IL1RAPL2: variants seen among roughly 807,000 people sequenced by gnomAD.
IL1RAPL2 encodes the protein X-linked interleukin-1 receptor accessory protein-like 2.
A neutral mutation model predicts 44.1 loss-of-function variants in IL1RAPL2; 3 were observed. The observed-to-expected ratio is 0.07, with a 90% confidence interval of 0.03 to 0.18. The LOEUF is 0.18. Among genes scored for constraint, IL1RAPL2 ranks in the 10% least tolerant of loss-of-function variants. The probability of loss-of-function intolerance (pLI) is 1.00; values close to 1 mark genes in which losing one functional copy is unlikely to be tolerated. For synonymous variants in IL1RAPL2, 181 were observed against 178.8 expected (o/e 1.01, Z -0.10); for missense variants, 391 against 496.4 (o/e 0.79, Z 2.02).
At chrX:105,391,973 C>T (rs1352567499) in intron 5 of IL1RAPL2, among the ~76,000 whole-genome samples, 3 of 70,818 alleles carry the variant, frequency 4.2e-5, no homozygotes, top group Non-Finnish European at 7.4e-5. Flanking sequence ...GGAAGGGGAA[C>T]ATCACACTCT....
In IL1RAPL2 at chrX:105,644,668, T is replaced by A. The variant is rs182966974; in HGVS notation, c.773-72699T>A. ...ACATGTGCAGAACGCGCAGGTTTGT[T>A]ACATAGGTATATATGTACCATGGTG... On this transcript the variant is annotated intron_variant, in intron 6 of 10. Transcript: ENST00000372582. Among the ~76,000 whole-genome samples the A allele has an allele frequency of 5.1e-3, 561 of 111,016 alleles. 4 individuals carry two copies. Among genetic ancestry groups the A allele is most frequent in the Non-Finnish European group, 8.1e-3 (430 of 53,036 alleles).
At chrX:105,170,144 CA>C (rs906143360) in intron 2 of IL1RAPL2, among the ~76,000 whole-genome samples, 3 of 110,436 alleles carry the variant, frequency 2.7e-5, no homozygotes, top group African/African-American at 9.9e-5. Flanking sequence ...AAATGTAAAA[CA>C]AAGGGAGAGA....
At chrX:105,044,879 G>T (rs1241571306) in intron 2 of IL1RAPL2, among the ~76,000 whole-genome samples, 1 of 111,011 alleles carries the variant, frequency 9.0e-6, no homozygotes, top group African/African-American at 3.3e-5. Context: ...GAAAATAAGG[G>T]AAAGTCTACA....
chrX:105,089,190 A>G (rs73527975), intron 2 of IL1RAPL2, among the ~76,000 whole-genome samples: 7,931 of 109,933 alleles, frequency 0.072, 732 homozygotes, highest in African/African-American at 0.25. Flanking sequence ...AGTGCCCTGT[A>G]CTCCTCCAAC....
chrX:105,618,825 G>T (rs150891050), intron 6 of IL1RAPL2, among the ~76,000 whole-genome samples: 1 of 111,372 alleles, frequency 9.0e-6, no homozygotes, highest in Non-Finnish European at 1.9e-5. Context: ...TTTCAATTAG[G>T]ATATCTGTTG....
chrX:104,951,143 G>A (rs1925573056), intron 2 of IL1RAPL2, among the ~76,000 whole-genome samples: 1 of 111,994 alleles, frequency 8.9e-6, no homozygotes, highest in Non-Finnish European at 1.9e-5. Context: ...CGTCTTCTGC[G>A]TCACTCACGC....
intron 2 of IL1RAPL2, among the ~76,000 whole-genome samples, chrX:104,882,224 G>T (rs1211096983): frequency 8.9e-6 from 1 of 112,174 alleles, no homozygotes; most frequent in Non-Finnish European, 1.9e-5. Context: ...CTGGCTTCAG[G>T]TATATTTTTA....
intron 2 of IL1RAPL2, among the ~76,000 whole-genome samples, chrX:105,192,009 A>G (rs934950506): frequency 8.9e-6 from 1 of 111,948 alleles, no homozygotes; most frequent in South Asian, 3.8e-4. Flanking sequence ...TGTGAACAGT[A>G]TAGGGCTGGA....
intron 2 of IL1RAPL2, among the ~76,000 whole-genome samples, chrX:105,011,850 T>C (rs1289573634): frequency 9.0e-6 from 1 of 110,622 alleles, no homozygotes; most frequent in Non-Finnish European, 1.9e-5. Context: ...GGTATTAATA[T>C]TAATAGTAGT....
intron 2 of IL1RAPL2, among the ~76,000 whole-genome samples, chrX:105,189,399 T>G (rs1393626851): frequency 1.8e-5 from 2 of 111,373 alleles, no homozygotes; most frequent in Non-Finnish European, 3.8e-5. Context: ...CCCCGCTAAT[T>G]TTTGTATTCT....
chrX:104,780,732 G>C (rs774711430), intron 2 of IL1RAPL2, among the ~76,000 whole-genome samples: 3 of 111,791 alleles, frequency 2.7e-5, no homozygotes, highest in Non-Finnish European at 5.6e-5. Context: ...TCTGACAAGG[G>C]CTTGACCTTT....
intron 2 of IL1RAPL2, among the ~76,000 whole-genome samples, chrX:105,097,392 A>G (rs967087116): frequency 1.8e-5 from 2 of 108,215 alleles, no homozygotes; most frequent in Admixed American, 9.9e-5. Context: ...CCCAGGTCCA[A>G]GCTAATTCAG....
At chrX:104,582,043 A>G (rs1474874958) in intron 1 of IL1RAPL2, among the ~76,000 whole-genome samples, 1 of 111,904 alleles carries the variant, frequency 8.9e-6, no homozygotes, top group Admixed American at 9.5e-5. Flanking sequence ...GAGAACTTAA[A>G]GGATATACTT....
At chrX:105,236,178 C>T (rs186735493) in intron 4 of IL1RAPL2, among the ~76,000 whole-genome samples, 86 of 112,108 alleles carry the variant, frequency 7.7e-4, no homozygotes, top group African/African-American at 2.6e-3. Flanking sequence ...AGTAATTCTA[C>T]TATCTCATCT....
At chrX:105,749,526 G>A (rs1308295694) in intron 9 of IL1RAPL2, among the ~76,000 whole-genome samples, 2 of 111,533 alleles carry the variant, frequency 1.8e-5, no homozygotes, top group Non-Finnish European at 3.8e-5. Flanking sequence ...AGCCATTGCT[G>A]CCATCTACAA....
Position 104,735,056 on chromosome X carries a change from G to A in IL1RAPL2, c.82+76061G>A, listed in dbSNP as rs183269413. On this transcript the variant is annotated intron_variant, in intron 2 of 10. Coordinates refer to ENST00000372582, the MANE Select transcript of IL1RAPL2 (RefSeq NM_017416.2). ...TACAAGACAAAATTAAGAATGTATT[G>A]CTTTTGATTACCATTTATATGTAGT... 4.5e-5 allele frequency among the ~76,000 whole-genome samples: 5 copies of A among 111,587 alleles called. No homozygotes were observed. In the East Asian group the frequency reaches 1.4e-3, roughly 31 times the overall value.
At chrX:104,797,295 A>G (rs1277596557) in intron 2 of IL1RAPL2, among the ~76,000 whole-genome samples, 7 of 104,842 alleles carry the variant, frequency 6.7e-5, no homozygotes, top group African/African-American at 2.5e-4. Flanking sequence ...TCTACGTGAC[A>G]AAGGGAGATA....
intron 5 of IL1RAPL2, 94 bp downstream of exon 5, chrX:105,267,635 T>C: frequency 3.0e-6 from 2 of 665,110 alleles, no homozygotes; most frequent in Non-Finnish European, 2.3e-6. Context: ...CAACTTTCTG[T>C]GAATTTAGAA....
At chrX:104,805,133 G>A (rs1304960090) in intron 2 of IL1RAPL2, among the ~76,000 whole-genome samples, 1 of 111,395 alleles carries the variant, frequency 9.0e-6, no homozygotes, top group Admixed American at 9.5e-5. Context: ...CCTATTCAGT[G>A]CAATCGTCAT....
Sources: gnomAD v4.1 joint callset for allele counts (sites outside exome capture counted in the v4.1 genomes callset) on GRCh38, gnomAD v4.1.1 for gene constraint, MANE v1.5 for transcripts, NCBI Gene and HGNC (gene_info 2026-07-23, HGNC 2026-07-21) for gene names.